Variants in LOXL2 observed in about 807,000 individuals in gnomAD.
LOXL2 encodes the protein lysyl oxidase homolog 2.
LOXL2 carries 70 observed loss-of-function variants against 93.0 expected under a neutral mutation model. That is an observed-to-expected ratio of 0.75 (90% CI 0.62 to 0.92). LOXL2 has a LOEUF of 0.92. LOXL2 is among the 40% of genes least tolerant of loss of function. The probability of loss-of-function intolerance (pLI) is 0.00; values close to 1 mark genes in which losing one functional copy is unlikely to be tolerated. For missense variants in LOXL2, 973 were observed against 1,054.9 expected (o/e 0.92, Z 1.08); for synonymous variants, 438 against 413.2 (o/e 1.06, Z -0.73).
At chr8:23,320,510 GT>G (rs1803476698) in intron 7 of LOXL2, among the ~76,000 whole-genome samples, 2 of 152,200 alleles carry the variant, frequency 1.3e-5, no homozygotes, top group Admixed American at 1.3e-4. Flanking sequence ...CCAGCTGCCT[GT>G]TTGACAACCC....
At position 23,297,954 on chromosome 8, in the gene LOXL2, G is replaced by A. The variant is rs559379353; in HGVS notation, c.*89C>T. On this transcript the variant is annotated 3_prime_UTR_variant, in exon 14 of 14. Transcript: ENST00000389131. ...TGGGGGCCGGGCTGGGTGAGGGCAC[G>A]TGGCATTCGTTCAGACTCAGTTGTT... 2.5e-4 allele frequency: 274 copies of A among 1,112,450 alleles called. No individual in the cohort carries two copies. The African/African-American group carries it at 3.5e-3, about 14-fold the overall frequency. The allele number at this position is 1,112,450 out of a possible 1,614,324, so 68.9% of individuals were successfully genotyped here.
intron 1 of LOXL2, among the ~76,000 whole-genome samples, chr8:23,378,175 A>G (rs1031340539): frequency 2.0e-5 from 3 of 152,030 alleles, no homozygotes; most frequent in African/African-American, 7.2e-5. Flanking sequence ...TCTGTAAAGG[A>G]TTTTATTTCT....
chr8:23,346,127 T>TAATA (rs1554479807), intron 3 of LOXL2, among the ~76,000 whole-genome samples: 120 of 128,254 alleles, frequency 9.4e-4, no homozygotes, highest in South Asian at 7.0e-3. Flanking sequence ...TAAAATAAAA[T>TAATA]AAAATAAAAT....
At chr8:23,396,120 A>G (rs2117240411) in intron 1 of LOXL2, among the ~76,000 whole-genome samples, 1 of 152,208 alleles carries the variant, frequency 6.6e-6, no homozygotes, top group East Asian at 1.9e-4. Flanking sequence ...GGAGTTCGGG[A>G]GCAGCCTGAC....
chr8:23,361,705 G>C (rs993565179), intron 2 of LOXL2, among the ~76,000 whole-genome samples: 4 of 152,146 alleles, frequency 2.6e-5, no homozygotes, highest in Admixed American at 2.6e-4. Context: ...GACAGGCGTG[G>C]TGGCACGTGC....
intron 3 of LOXL2, among the ~76,000 whole-genome samples, chr8:23,344,827 C>G (rs1409427755): frequency 6.6e-6 from 1 of 152,222 alleles, no homozygotes; most frequent in East Asian, 1.9e-4. Context: ...TTCCTTCAAA[C>G]TGGACCGTCT....
At chr8:23,398,602 A>T (rs1337912414) in intron 1 of LOXL2, among the ~76,000 whole-genome samples, 1 of 152,142 alleles carries the variant, frequency 6.6e-6, no homozygotes. Context: ...AGAAAGTGCA[A>T]AAGATTTGTT....
At chr8:23,372,300 C>G (rs1282855083) in intron 1 of LOXL2, among the ~76,000 whole-genome samples, 1 of 151,876 alleles carries the variant, frequency 6.6e-6, no homozygotes. Flanking sequence ...TCACTGCAAC[C>G]ACTGCCTCCT....
At chr8:23,344,110 C>T (rs918070572) in intron 3 of LOXL2, among the ~76,000 whole-genome samples, 1 of 152,198 alleles carries the variant, frequency 6.6e-6, no homozygotes, top group Non-Finnish European at 1.5e-5. Context: ...GCTCAGCAGA[C>T]CCCGCTGGAA....
intron 11 of LOXL2, 62 bp from the exon 12 acceptor site, chr8:23,302,225 T>C: frequency 6.3e-7 from 1 of 1,598,252 alleles, no homozygotes; most frequent in Non-Finnish European, 8.6e-7. Flanking sequence ...CCGCACCCTC[T>C]TCCTGCTTCC....
intron 7 of LOXL2, 157 bp downstream of exon 7, chr8:23,321,973 G>T (rs1585349342): frequency 1.2e-6 from 1 of 822,510 alleles, no homozygotes; most frequent in East Asian, 2.5e-5. Context: ...CAGGCCCGAG[G>T]TTCGAGGGGG....
At chr8:23,299,070 C>T (rs764053343) in intron 12 of LOXL2, 123 bp from the exon 13 acceptor site, 62 of 639,464 alleles carry the variant, frequency 9.7e-5, no homozygotes, top group Non-Finnish European at 1.4e-4. Context: ...GGACCCAAGA[C>T]GGGGGTCTGT....
chr8:23,403,075 T>C (rs974079858), intron 1 of LOXL2, among the ~76,000 whole-genome samples: 6 of 152,142 alleles, frequency 3.9e-5, no homozygotes, highest in Admixed American at 1.3e-4. Context: ...CGCTGATTCC[T>C]GGGACACCTC....
chr8:23,385,173 C>T (rs1427973133), intron 1 of LOXL2, among the ~76,000 whole-genome samples: 1 of 152,044 alleles, frequency 6.6e-6, no homozygotes, highest in Non-Finnish European at 1.5e-5. Context: ...TACTTTTATA[C>T]AGCAACCTGG....
intron 1 of LOXL2, among the ~76,000 whole-genome samples, chr8:23,374,311 G>T (rs1437885803): frequency 3.3e-5 from 5 of 152,104 alleles, no homozygotes; most frequent in African/African-American, 1.2e-4. Context: ...AGTATTCCAT[G>T]GTGTATATGT....
At chr8:23,376,567 C>T (rs1419387562) in intron 1 of LOXL2, among the ~76,000 whole-genome samples, 2 of 152,128 alleles carry the variant, frequency 1.3e-5, no homozygotes, top group Admixed American at 6.6e-5. Flanking sequence ...TCTGTCTGGT[C>T]CTGGCCTTTT....
chr8:23,298,686 G>A, intron 13 of LOXL2, 150 bp downstream of exon 13: 3 of 600,432 alleles, frequency 5.0e-6, no homozygotes, highest in Non-Finnish European at 9.1e-6. Context: ...ATCCAGGCCT[G>A]TGTGTCTGTG....
chr8:23,383,657 GTTT>G (rs968347697), intron 1 of LOXL2, among the ~76,000 whole-genome samples: 1 of 22,266 alleles, frequency 4.5e-5, no homozygotes, highest in African/African-American at 2.1e-4. Context: ...TTTTTTTTTT[GTTT>G]TTTTTTTTTT....
chr8:23,301,040 G>A (rs972515539), intron 12 of LOXL2, among the ~76,000 whole-genome samples: 1 of 152,246 alleles, frequency 6.6e-6, no homozygotes, highest in African/African-American at 2.4e-5. Context: ...AAGCCCCTCT[G>A]TGGTGACTTC....
Sources: gnomAD v4.1 joint callset for allele counts (sites outside exome capture counted in the v4.1 genomes callset) on GRCh38, gnomAD v4.1.1 for gene constraint, MANE v1.5 for transcripts, NCBI Gene and HGNC (gene_info 2026-07-23, HGNC 2026-07-21) for gene names.